CD244: variants seen among roughly 807,000 people sequenced by gnomAD.
The protein encoded by CD244 is natural killer cell receptor 2B4.
Under a neutral mutation model 45.5 loss-of-function variants are expected in CD244, and 20 were observed. The ratio of observed to expected loss-of-function variants is 0.44; its 90% CI spans 0.31 to 0.64. The LOEUF (loss-of-function observed/expected upper bound fraction) is 0.64. CD244 is among the 30% of genes least tolerant of loss of function. The pLI is 0.08. For missense variants in CD244, 407 were observed against 426.9 expected (o/e 0.95, Z 0.41); for synonymous variants, 185 against 160.5 (o/e 1.15, Z -1.15).
chr1:160,839,039 A>G lies in CD244; in HGVS notation c.666T>C (p.Phe222=), dbSNP rs1669439278. The G allele has an allele frequency of 6.2e-7, 1 of 1,613,266 alleles. No homozygotes were observed. Among genetic ancestry groups the G allele is most frequent in the Non-Finnish European group, 8.5e-7 (1 of 1,179,382 alleles). Residue 222 remains phenylalanine (F), a synonymous_variant, in exon 4 of 9, where the codon TTT becomes TTC. Transcript: ENST00000368034. ...DCQNAHQEFR[F]WPFLVIIVIL... is the part of the protein sequence containing the mutation. ...TCACGATGATCACCAAAAACGGCCA[A>G]AATCTGAATTCTGAGGAATACAGAA...
At position 160,831,249 on chromosome 1, in the gene CD244, C is replaced by G; in HGVS notation, c.*98G>C. ...AACAAATTTCCATATCCTCTCCAGA[C>G]TAGGAACTGTTCTATAGAGACTCCT... On this transcript the variant is annotated 3_prime_UTR_variant, in exon 9 of 9. Transcript: ENST00000368034. 1 of 828,386 alleles carries G rather than the reference C, an allele frequency of 1.2e-6. No homozygotes were observed. The highest frequency in any genetic ancestry group is 2.0e-6 in the Non-Finnish European group (1 of 492,864). 51.3% of individuals were successfully genotyped at this position (828,386 alleles called of 1,614,324 possible).
intron 1 of CD244, chr1:160,848,432 A>G: frequency 1.8e-6 from 1 of 551,440 alleles, no homozygotes; most frequent in South Asian, 1.4e-5. Context: ...TGCAGACAGC[A>G]TGGAGCCCTT....
intron 5 of CD244, among the ~76,000 whole-genome samples, chr1:160,837,432 A>G (rs1052755606): frequency 5.3e-5 from 8 of 152,210 alleles, no homozygotes; most frequent in African/African-American, 9.7e-5. Context: ...TCACATTCCA[A>G]TAGCCACTGC....
chr1:160,856,747 A>C (rs917002216), intron 1 of CD244, among the ~76,000 whole-genome samples: 1 of 152,172 alleles, frequency 6.6e-6, no homozygotes, highest in Non-Finnish European at 1.5e-5. Context: ...CTTGGAGCAT[A>C]ATAAGGGCTG....
intron 6 of CD244, among the ~76,000 whole-genome samples, chr1:160,834,741 C>T (rs1669266980): frequency 6.6e-6 from 1 of 152,146 alleles, no homozygotes; most frequent in Non-Finnish European, 1.5e-5. Flanking sequence ...ATAAATAGCC[C>T]AAGTCAGGCA....
In CD244 at chr1:160,834,214, T is replaced by C; in HGVS notation, c.895-98A>G. The C allele has an allele frequency of 3.3e-6, 3 of 911,870 alleles. No homozygotes were observed. In the South Asian group the frequency reaches 4.2e-5, roughly 13 times the overall value. 56.5% of individuals were successfully genotyped at this position (911,870 alleles called of 1,614,324 possible). A position where few individuals can be genotyped will look rare whatever the true frequency, so the allele number is the denominator to read the frequency against. On this transcript the variant is annotated intron_variant, in intron 6 of 8. Transcript: ENST00000368034. ...TTTCTCCTCCTCAACCCTGCCCAGA[T>C]GGAAGCTTCAAGTGTTAGTGAAAAG...
chr1:160,835,640 C>T (rs1669306495), intron 6 of CD244, among the ~76,000 whole-genome samples: 1 of 152,028 alleles, frequency 6.6e-6, no homozygotes, highest in African/African-American at 2.4e-5. Context: ...TCTCACAAAT[C>T]ACCACTAAAG....
At position 160,841,690 on chromosome 1, in the gene CD244, A is replaced by C. The variant is rs768225311; in HGVS notation, c.273T>G (p.Ser91Arg). Reference sequence around the variant, plus strand: ...GCTGCTGAGCTGCCTTGATGAGAAGACTCAAGTTCTTGACTATAAAACTGA... The same window carrying C: ...GCTGCTGAGCTGCCTTGATGAGAAGCCTCAAGTTCTTGACTATAAAACTGA... The part of the protein sequence containing the change: ...DRFSFIVKNL[S>R]LLIKAAQQQD... Residue 91 changes from serine to arginine, a missense_variant, in exon 2 of 9, where the codon AGT becomes AGG. Coordinates refer to ENST00000368034, the MANE Select transcript of CD244 (RefSeq NM_016382.4). 1.4e-5 allele frequency: 23 copies of C among 1,614,048 alleles called. No homozygotes were observed. Among genetic ancestry groups the C allele is most frequent in the Non-Finnish European group, 1.8e-5 (21 of 1,179,982 alleles).
At chr1:160,854,475 C>A (rs111782595) in intron 1 of CD244, among the ~76,000 whole-genome samples, 1 of 151,966 alleles carries the variant, frequency 6.6e-6, no homozygotes, top group African/African-American at 2.4e-5. Context: ...CTCTGCCTCC[C>A]AGGTTCAAGT....
At chr1:160,833,043 G>A (rs555908193) in intron 7 of CD244, among the ~76,000 whole-genome samples, 1 of 151,478 alleles carries the variant, frequency 6.6e-6, no homozygotes, top group Non-Finnish European at 1.5e-5. Flanking sequence ...TCTCTTCAAC[G>A]CATGCATACA....
chr1:160,843,556 A>C (rs1669621051), intron 1 of CD244, among the ~76,000 whole-genome samples: 2 of 152,220 alleles, frequency 1.3e-5, no homozygotes, highest in South Asian at 4.1e-4. Flanking sequence ...AGAGTTTGTG[A>C]TCTGGAAACA....
rs780696217 is a variant in CD244 at position 160,841,303 on chromosome 1, C to T, written c.562G>A (p.Gly188Ser). 1 of 1,614,198 alleles carries T rather than the reference C, an allele frequency of 6.2e-7. No homozygotes were observed. Among genetic ancestry groups the T allele is most frequent in the South Asian group, 1.1e-5 (1 of 91,084 alleles). Residue 188 changes from glycine (G) to serine (S), a missense_variant, in exon 3 of 9, where the codon GGC becomes AGC. Coordinates refer to ENST00000368034, the MANE Select transcript of CD244 (RefSeq NM_016382.4). ...TYLDEEVDIN[G>S]THTYTCNVSN... Reference sequence around the variant, plus strand: ...ACATTGCAGGTATATGTGTGAGTGCCATTAATGTCAACCTCCTCGTCCAGG... The same window carrying T: ...ACATTGCAGGTATATGTGTGAGTGCTATTAATGTCAACCTCCTCGTCCAGG...
At chr1:160,860,867 C>G (rs1289379591) in intron 1 of CD244, among the ~76,000 whole-genome samples, 1 of 152,190 alleles carries the variant, frequency 6.6e-6, no homozygotes, top group African/African-American at 2.4e-5. Context: ...GCCAGGCCTG[C>G]CCTATAGACA....
rs577832418 is a variant in CD244 at position 160,835,147 on chromosome 1, C to T, written c.895-1031G>A. Among the ~76,000 whole-genome samples, 13 of 151,982 alleles carry T rather than the reference C, an allele frequency of 8.6e-5. No individual in the cohort carries two copies. In the South Asian group the frequency reaches 2.7e-3, roughly 32 times the overall value. On this transcript the variant is annotated intron_variant, in intron 6 of 8. Transcript: ENST00000368034. Reference sequence around the variant, plus strand: ...TCAGAAAGTCTTTTATTACTGGCCACCAGGAGGCAGTGTTTCCCTTGGGAG... The same window carrying T: ...TCAGAAAGTCTTTTATTACTGGCCATCAGGAGGCAGTGTTTCCCTTGGGAG...
intron 1 of CD244, among the ~76,000 whole-genome samples, chr1:160,845,504 T>A (rs1350854069): frequency 6.6e-6 from 1 of 152,096 alleles, no homozygotes; most frequent in Non-Finnish European, 1.5e-5. Flanking sequence ...TTCCCAAAAC[T>A]GACAAAAGCC....
In CD244 at chr1:160,831,442, G is replaced by C. The variant is rs530625845; in HGVS notation, c.1018-15C>G. 3.7e-6 allele frequency: 6 copies of C among 1,600,008 alleles called. 1 individual carries two copies. The South Asian group carries it at 6.6e-5, about 18-fold the overall frequency. On this transcript the variant is annotated splice_polypyrimidine_tract_variant and intron_variant, in intron 8 of 8. Transcript: ENST00000368034. The stretch of plus-strand genomic sequence containing the variant: ...CTCTTTCCAATCTGCAAAAGAAAAG[G>C]AGAAACTTCAGACCCTTGCACTGGG...
At chr1:160,855,956 A>T (rs1003507059) in intron 1 of CD244, among the ~76,000 whole-genome samples, 1 of 152,266 alleles carries the variant, frequency 6.6e-6, no homozygotes, top group South Asian at 2.1e-4. Flanking sequence ...TCCAACCTGG[A>T]CCTGCCAGTC....
Position 160,840,998 on chromosome 1 carries a change from G to A in CD244, c.655+212C>T, listed in dbSNP as rs146349370. ...GAAGAAAAGCTTGCATCTCCCAGAA[G>A]GAAATAGGGATAACATTTTTTTCCA... On this transcript the variant is annotated intron_variant, in intron 3 of 8. Transcript: ENST00000368034. 2.3e-3 allele frequency among the ~76,000 whole-genome samples: 347 copies of A among 152,332 alleles called. 4 individuals are homozygous for A. In the South Asian group the frequency reaches 0.023, roughly 10 times the overall value.
chr1:160,856,296 G>A (rs1239872385), intron 1 of CD244, among the ~76,000 whole-genome samples: 1 of 152,102 alleles, frequency 6.6e-6, no homozygotes, highest in East Asian at 1.9e-4. Context: ...CTCAGGCAAT[G>A]CAACTCCCTT....
Sources: gnomAD v4.1 joint callset for allele counts (sites outside exome capture counted in the v4.1 genomes callset) on GRCh38, gnomAD v4.1.1 for gene constraint, MANE v1.5 for transcripts, NCBI Gene and HGNC (gene_info 2026-07-23, HGNC 2026-07-21) for gene names.